The following PRKCE variants were observed in gnomAD, a reference collection of about 807,000 sequenced individuals.
The protein encoded by PRKCE is protein kinase C epsilon type.
In PRKCE, 16 loss-of-function variants were observed where a neutral mutation model predicts 85.4. The observed-to-expected ratio is 0.19, with a 90% CI of 0.13 to 0.28. PRKCE has a LOEUF of 0.28. Ranked by LOEUF, PRKCE falls within the 10% of genes least tolerant of loss-of-function variation. The pLI is 1.00. For synonymous variants in PRKCE, 388 were observed against 371.5 expected (o/e 1.04, Z -0.51); for missense variants, 573 against 975.2 (o/e 0.59, Z 5.49).
chr2:45,865,656 G>T (rs1416230486), intron 2 of PRKCE, among the ~76,000 whole-genome samples: 2 of 152,142 alleles, frequency 1.3e-5, no homozygotes, highest in Non-Finnish European at 2.9e-5. Flanking sequence ...CAGCCTGCTT[G>T]CCTTTCCAAC....
chr2:45,880,222 G>A (rs757451345), intron 2 of PRKCE, among the ~76,000 whole-genome samples: 2 of 152,202 alleles, frequency 1.3e-5, no homozygotes, highest in Admixed American at 6.5e-5. Context: ...GCTAAAGAGT[G>A]TTCCGTTATG....
chr2:45,682,517 C>T (rs1676985849), intron 1 of PRKCE, among the ~76,000 whole-genome samples: 1 of 152,150 alleles, frequency 6.6e-6, no homozygotes, highest in Non-Finnish European at 1.5e-5. Flanking sequence ...ACCTCTGCCT[C>T]CTGGGTTCAA....
intron 1 of PRKCE, among the ~76,000 whole-genome samples, chr2:45,698,633 G>A (rs960046096): frequency 2.0e-5 from 3 of 152,106 alleles, no homozygotes; most frequent in Non-Finnish European, 4.4e-5. Context: ...GGGGAGGGGT[G>A]TCAGCAATGG....
chr2:45,879,363 A>T (rs888704864), intron 2 of PRKCE, among the ~76,000 whole-genome samples: 8 of 151,898 alleles, frequency 5.3e-5, no homozygotes, highest in Admixed American at 2.6e-4. Flanking sequence ...AATCCCCCAC[A>T]TTTACTATCC....
chr2:45,933,464 C>CTTTTTTTT (rs59991455), intron 2 of PRKCE, among the ~76,000 whole-genome samples: 7 of 65,362 alleles, frequency 1.1e-4, no homozygotes, highest in African/African-American at 1.2e-4. Context: ...CATATGCCTG[C>CTTTTTTTT]TTTTTTTTTT....
chr2:46,098,814 A>G (rs1274948324), intron 11 of PRKCE, among the ~76,000 whole-genome samples: 1 of 152,094 alleles, frequency 6.6e-6, no homozygotes, highest in Non-Finnish European at 1.5e-5. Flanking sequence ...TTGTTTCAGC[A>G]AACAAGTGGC....
intron 1 of PRKCE, among the ~76,000 whole-genome samples, chr2:45,751,071 C>T (rs1366573617): frequency 6.6e-6 from 1 of 152,232 alleles, no homozygotes; most frequent in Non-Finnish European, 1.5e-5. Context: ...CTCTGGACCA[C>T]CTTTGGTTCC....
intron 1 of PRKCE, among the ~76,000 whole-genome samples, chr2:45,701,917 G>T (rs538495147): frequency 6.6e-6 from 1 of 152,184 alleles, no homozygotes; most frequent in Admixed American, 6.5e-5. Context: ...GATGGGCCAG[G>T]CGCGGTGGCT....
chr2:45,951,871 C>T (rs1300299093), intron 2 of PRKCE, among the ~76,000 whole-genome samples: 3 of 152,188 alleles, frequency 2.0e-5, no homozygotes, highest in Non-Finnish European at 2.9e-5. Flanking sequence ...CTTGCTCTGT[C>T]GCCCAGGCTG....
chr2:45,667,726 T>C, intron 1 of PRKCE, among the ~76,000 whole-genome samples: 1 of 152,128 alleles, frequency 6.6e-6, no homozygotes, highest in East Asian at 1.9e-4. Flanking sequence ...GGGCAGAAAG[T>C]ACTGAGTTCC....
chr2:46,176,951 A>G (rs1679485973), intron 14 of PRKCE, among the ~76,000 whole-genome samples: 1 of 152,220 alleles, frequency 6.6e-6, no homozygotes, highest in African/African-American at 2.4e-5. Context: ...GGTTTATCTG[A>G]GCTTTACCTA....
intron 2 of PRKCE, among the ~76,000 whole-genome samples, chr2:45,935,237 G>T (rs1168393807): frequency 6.6e-6 from 1 of 152,120 alleles, no homozygotes; most frequent in Non-Finnish European, 1.5e-5. Flanking sequence ...AATATTGTTA[G>T]TTAAAATACT....
chr2:45,822,736 C>T (rs1193816349), intron 1 of PRKCE, among the ~76,000 whole-genome samples: 2 of 152,210 alleles, frequency 1.3e-5, no homozygotes, highest in African/African-American at 4.8e-5. Flanking sequence ...TGAGTTCCAT[C>T]ATTGCTAAGA....
At chr2:46,006,777 T>G (rs1349517918) in intron 8 of PRKCE, among the ~76,000 whole-genome samples, 1 of 152,226 alleles carries the variant, frequency 6.6e-6, no homozygotes, top group East Asian at 1.9e-4. Context: ...CAAGACTGTC[T>G]CGTAGTTGAG....
At chr2:45,800,327 C>G (rs1033235349) in intron 1 of PRKCE, among the ~76,000 whole-genome samples, 2 of 152,002 alleles carry the variant, frequency 1.3e-5, no homozygotes, top group Non-Finnish European at 2.9e-5. Flanking sequence ...GGGAGTCACA[C>G]TGCCCAGGCA....
chr2:45,873,117 G>C (rs931503341), intron 2 of PRKCE, among the ~76,000 whole-genome samples: 1 of 152,186 alleles, frequency 6.6e-6, no homozygotes, highest in Non-Finnish European at 1.5e-5. Context: ...AAACTGGAGC[G>C]ATGGCTCTCA....
At chr2:45,822,425 G>T (rs1689608365) in intron 1 of PRKCE, among the ~76,000 whole-genome samples, 1 of 152,210 alleles carries the variant, frequency 6.6e-6, no homozygotes, top group Non-Finnish European at 1.5e-5. Context: ...GCGCCTGGGG[G>T]TGCAAACCCT....
At chr2:45,857,550 A>T (rs923425018) in intron 2 of PRKCE, among the ~76,000 whole-genome samples, 1 of 152,022 alleles carries the variant, frequency 6.6e-6, no homozygotes, top group African/African-American at 2.4e-5. Context: ...TTTTTTTCTA[A>T]TTCATTGTTT....
At chr2:45,677,886 C>T in intron 1 of PRKCE, 1 of 985,450 alleles carries the variant, frequency 1.0e-6, no homozygotes, top group Non-Finnish European at 1.2e-6. Flanking sequence ...GCCAGGACAC[C>T]ACGGAAGTTC....
Sources: allele counts gnomAD v4.1 joint callset (sites outside exome capture counted in the v4.1 genomes callset), GRCh38; gene constraint gnomAD v4.1.1; transcripts MANE v1.5; gene names NCBI Gene and HGNC (gene_info 2026-07-23, HGNC 2026-07-21).